Variants in GSE1 observed in about 807,000 individuals in gnomAD.
The protein encoded by GSE1 is genetic suppressor element 1.
A neutral mutation model predicts 112.6 loss-of-function variants in GSE1; 32 were observed. That is an observed-to-expected ratio of 0.28 (90% CI 0.21 to 0.38). The LOEUF (loss-of-function observed/expected upper bound fraction) is 0.38. Among genes scored for constraint, GSE1 ranks in the 10% least tolerant of loss-of-function variants. The pLI is 1.00. For synonymous variants in GSE1, 1,115 were observed against 735.6 expected (o/e 1.52, Z -8.35); for missense variants, 2,348 against 1,699.2 (o/e 1.38, Z -6.71).
chr16:85,615,235 G>A (rs963219438), intron 1 of GSE1, among the ~76,000 whole-genome samples: 8 of 152,372 alleles, frequency 5.3e-5, no homozygotes, highest in Admixed American at 2.0e-4. Context: ...CAGGGCGCAG[G>A]CTCCGACGGC....
Position 85,448,888 on chromosome 16 carries a change from G to C in GSE1, c.2464+91245G>C, listed in dbSNP as rs191901201. Reference sequence around the variant, plus strand: ...GTAATGAAGTGCAGCTGTGAACTCCGGTTTTGGGTCAGAAAGGCAATTTCT... The same window carrying C: ...GTAATGAAGTGCAGCTGTGAACTCCCGTTTTGGGTCAGAAAGGCAATTTCT... On this transcript the variant is annotated intron_variant, in intron 2 of 2. Transcript: ENST00000637419. 1.0e-3 allele frequency among the ~76,000 whole-genome samples: 152 copies of C among 152,332 alleles called. 2 individuals carry two copies. Among genetic ancestry groups the C allele is most frequent in the African/African-American group, 3.5e-3 (145 of 41,578 alleles).
chr16:85,493,012 C>G (rs549770896), intron 2 of GSE1, among the ~76,000 whole-genome samples: 21 of 152,282 alleles, frequency 1.4e-4, no homozygotes, highest in African/African-American at 5.1e-4. Context: ...GAGCTCAGAG[C>G]TAGTGCAGGG....
At chr16:85,481,789 A>G (rs559703351) in intron 2 of GSE1, among the ~76,000 whole-genome samples, 1 of 152,332 alleles carries the variant, frequency 6.6e-6, no homozygotes, top group East Asian at 1.9e-4. Flanking sequence ...AAGCGTGGAA[A>G]AGGTGAGAAG....
intron 1 of GSE1, among the ~76,000 whole-genome samples, chr16:85,557,104 C>T (rs2045266721): frequency 6.6e-6 from 1 of 151,970 alleles, no homozygotes; most frequent in South Asian, 2.1e-4. Flanking sequence ...ATTTCTAAAC[C>T]TTAAAAAAAA....
At chr16:85,447,891 C>A (rs2049558161) in intron 2 of GSE1, among the ~76,000 whole-genome samples, 1 of 152,210 alleles carries the variant, frequency 6.6e-6, no homozygotes, top group Admixed American at 6.5e-5. Context: ...GTGACTTGCC[C>A]AGGGTCACAC....
chr16:85,463,272 C>T (rs781244044), intron 2 of GSE1: 3 of 208,350 alleles, frequency 1.4e-5, no homozygotes, highest in African/African-American at 2.4e-5. Context: ...AGGCCACGCA[C>T]GTGCTCCCCA....
chr16:85,393,282 C>T (rs2047887731), intron 2 of GSE1, among the ~76,000 whole-genome samples: 3 of 152,142 alleles, frequency 2.0e-5, no homozygotes. Context: ...AAAAGGGAGG[C>T]GGGGGCACAA....
chr16:85,663,638 G>C, intron 11 of GSE1, 24 bp downstream of exon 11: 1 of 1,596,086 alleles, frequency 6.3e-7, no homozygotes, highest in Admixed American at 1.8e-5. Context: ...TGGGTAGGAA[G>C]GTGGGGGCTC....
intron 2 of GSE1, among the ~76,000 whole-genome samples, chr16:85,646,749 C>T (rs561197723): frequency 3.5e-4 from 53 of 152,220 alleles, no homozygotes; most frequent in Middle Eastern, 3.4e-3. Flanking sequence ...CAGCCGTGCA[C>T]CCCCTGGGCT....
At chr16:85,582,504 A>G (rs1460566392) in intron 1 of GSE1, among the ~76,000 whole-genome samples, 1 of 152,088 alleles carries the variant, frequency 6.6e-6, no homozygotes, top group African/African-American at 2.4e-5. Flanking sequence ...TGGACCCGAC[A>G]TCCCCTGGGA....
intron 1 of GSE1, among the ~76,000 whole-genome samples, chr16:85,316,976 G>T (rs1001595605): frequency 1.3e-5 from 2 of 152,216 alleles, no homozygotes; most frequent in East Asian, 3.9e-4. Context: ...TCTGTTGGGG[G>T]TGGGCTGCTG....
intron 1 of GSE1, among the ~76,000 whole-genome samples, chr16:85,304,113 A>G (rs1465184287): frequency 6.6e-6 from 1 of 152,216 alleles, no homozygotes; most frequent in Non-Finnish European, 1.5e-5. Flanking sequence ...TGGTTAGGGA[A>G]CAGAATCGCT....
At chr16:85,398,046 C>T (rs1264464056) in intron 2 of GSE1, among the ~76,000 whole-genome samples, 1 of 152,090 alleles carries the variant, frequency 6.6e-6, no homozygotes, top group African/African-American at 2.4e-5. Flanking sequence ...TGATTCTGTG[C>T]AGGAGAGGAC....
intron 1 of GSE1, among the ~76,000 whole-genome samples, chr16:85,579,615 C>T (rs1009891679): frequency 2.0e-5 from 3 of 152,170 alleles, no homozygotes; most frequent in African/African-American, 7.2e-5. Flanking sequence ...CAGACCTACG[C>T]CTGGGAGACC....
At position 85,331,363 on chromosome 16, in the gene GSE1, G is replaced by GTATATATATA. The variant is rs1396264079; in HGVS notation, c.2284-26099_2284-26098insATATATATAT. 4.0e-4 allele frequency among the ~76,000 whole-genome samples: 18 copies of GTATATATATA among 45,440 alleles called. 2 individuals are homozygous for GTATATATATA. Among genetic ancestry groups the GTATATATATA allele is most frequent in the East Asian group, 2.5e-3 (3 of 1,190 alleles). The allele number at this position is 45,440 out of a possible 152,430, so 29.8% of individuals were successfully genotyped here. ...TGTGTGTGTGTGTGTGTGTGTGTGT[G>GTATATATATA]TGTATATATGTATATATATGTATAT... is the stretch of plus-strand genomic sequence containing the variant. On this transcript the variant is annotated intron_variant, in intron 1 of 2. Coordinates refer to the GSE1 transcript ENST00000637419.
chr16:85,578,236 C>T (rs1017557323), intron 1 of GSE1, among the ~76,000 whole-genome samples: 32 of 152,338 alleles, frequency 2.1e-4, no homozygotes, highest in Non-Finnish European at 3.1e-4. Context: ...GCTTGCTGTG[C>T]GGCTTCCCCC....
chr16:85,205,859 T>A (rs764834037), intron 1 of GSE1, among the ~76,000 whole-genome samples: 1 of 152,214 alleles, frequency 6.6e-6, no homozygotes. Flanking sequence ...CATTCATTCA[T>A]CTGGTGCTTC....
chr16:85,462,878 C>G (rs1273551173), intron 2 of GSE1, among the ~76,000 whole-genome samples: 7 of 149,142 alleles, frequency 4.7e-5, no homozygotes, highest in African/African-American at 1.7e-4. Flanking sequence ...GGCTCCACGC[C>G]GCGGGCAGGG....
At chr16:85,474,709 C>G (rs1210947707) in intron 2 of GSE1, among the ~76,000 whole-genome samples, 1 of 150,450 alleles carries the variant, frequency 6.6e-6, no homozygotes, top group East Asian at 2.0e-4. Context: ...CCTTCCCCTC[C>G]TCCCTCTCCC....
Sources: allele counts gnomAD v4.1 joint callset (sites outside exome capture counted in the v4.1 genomes callset), GRCh38; gene constraint gnomAD v4.1.1; transcripts MANE v1.5; gene names NCBI Gene and HGNC (gene_info 2026-07-23, HGNC 2026-07-21).